GRID1: variants seen among roughly 807,000 people sequenced by gnomAD.
GRID1 encodes the protein glutamate ionotropic receptor delta type subunit 1, also known as glutamate receptor ionotropic, delta-1.
In GRID1, 28 loss-of-function variants were observed where a neutral mutation model predicts 98.0. The ratio of observed to expected loss-of-function variants is 0.29; its 90% CI spans 0.21 to 0.39. The LOEUF is 0.39. Among genes scored for constraint, GRID1 ranks in the 10% least tolerant of loss-of-function variants. GRID1 has a pLI of 1.00. For synonymous variants in GRID1, 553 were observed against 538.5 expected (o/e 1.03, Z -0.37); for missense variants, 1,111 against 1,340.5 (o/e 0.83, Z 2.67).
intron 13 of GRID1, among the ~76,000 whole-genome samples, chr10:85,623,522 C>A (rs751629007): frequency 1.3e-5 from 2 of 152,220 alleles, no homozygotes; most frequent in Non-Finnish European, 2.9e-5. Context: ...ACAGGTCTGG[C>A]TTCCCCACTA....
At chr10:85,726,125 CCTT>C (rs1233203339) in intron 10 of GRID1, among the ~76,000 whole-genome samples, 1 of 152,142 alleles carries the variant, frequency 6.6e-6, no homozygotes, top group Non-Finnish European at 1.5e-5. Context: ...GGGGACACTC[CCTT>C]CTGTGGGAGA....
chr10:86,317,428 T>C (rs1847914372), intron 2 of GRID1, among the ~76,000 whole-genome samples: 1 of 152,236 alleles, frequency 6.6e-6, no homozygotes, highest in Non-Finnish European at 1.5e-5. Context: ...AAAGCATTTG[T>C]AAAAATTATG....
intron 2 of GRID1, among the ~76,000 whole-genome samples, chr10:86,298,861 G>T (rs765028128): frequency 6.6e-6 from 1 of 152,176 alleles, no homozygotes; most frequent in African/African-American, 2.4e-5. Flanking sequence ...GGCTGACATT[G>T]GTAATGGTTT....
chr10:86,063,257 T>C (rs147011788), intron 4 of GRID1, among the ~76,000 whole-genome samples: 1 of 152,286 alleles, frequency 6.6e-6, no homozygotes, highest in East Asian at 1.9e-4. Context: ...GTACACACAA[T>C]GTACATAAAA....
At chr10:86,124,453 T>C (rs1420626000) in intron 4 of GRID1, among the ~76,000 whole-genome samples, 4 of 152,146 alleles carry the variant, frequency 2.6e-5, no homozygotes, top group Non-Finnish European at 5.9e-5. Context: ...GCAGATCTTG[T>C]TTTGGGGGCT....
At chr10:85,966,671 G>A (rs1314550477) in intron 4 of GRID1, among the ~76,000 whole-genome samples, 1 of 151,896 alleles carries the variant, frequency 6.6e-6, no homozygotes, top group Non-Finnish European at 1.5e-5. Flanking sequence ...AAAATTAGCT[G>A]GACATGGTGG....
At chr10:86,079,225 G>A (rs912941426) in intron 4 of GRID1, among the ~76,000 whole-genome samples, 2 of 152,212 alleles carry the variant, frequency 1.3e-5, no homozygotes, top group East Asian at 1.9e-4. Flanking sequence ...TCCTGGAGCG[G>A]CCTGTTGAAT....
At chr10:85,794,555 T>C (rs1239711100) in intron 8 of GRID1, among the ~76,000 whole-genome samples, 1 of 152,246 alleles carries the variant, frequency 6.6e-6, no homozygotes, top group African/African-American at 2.4e-5. Flanking sequence ...TTGCTGATTA[T>C]AAACGTTAGT....
chr10:86,028,214 C>A (rs1564653890), intron 4 of GRID1, among the ~76,000 whole-genome samples: 1 of 152,242 alleles, frequency 6.6e-6, no homozygotes, highest in Non-Finnish European at 1.5e-5. Context: ...GCTCCCACTG[C>A]ATATGTGTGC....
At chr10:86,087,414 T>C (rs1392001205) in intron 4 of GRID1, among the ~76,000 whole-genome samples, 4 of 150,788 alleles carry the variant, frequency 2.7e-5, no homozygotes, top group Non-Finnish European at 5.9e-5. Flanking sequence ...GTCCGGGGTG[T>C]CTGTGTATGT....
At chr10:85,827,875 G>A (rs554127404) in intron 8 of GRID1, among the ~76,000 whole-genome samples, 3 of 152,214 alleles carry the variant, frequency 2.0e-5, no homozygotes, top group South Asian at 2.1e-4. Flanking sequence ...TCGACAGATC[G>A]TCAAGGCAGA....
chr10:86,124,265 A>C (rs942607413), intron 4 of GRID1, among the ~76,000 whole-genome samples: 1 of 152,020 alleles, frequency 6.6e-6, no homozygotes, highest in African/African-American at 2.4e-5. Flanking sequence ...AAATCTGACA[A>C]AGGCCTGAAA....
chr10:85,773,724 A>G (rs951171331), intron 8 of GRID1, among the ~76,000 whole-genome samples: 11 of 152,352 alleles, frequency 7.2e-5, no homozygotes, highest in South Asian at 6.2e-4. Flanking sequence ...CTCATTTACA[A>G]TTGCTTCAAA....
intron 3 of GRID1, among the ~76,000 whole-genome samples, chr10:86,181,703 G>A (rs899001963): frequency 2.6e-5 from 4 of 152,172 alleles, no homozygotes; most frequent in Non-Finnish European, 5.9e-5. Flanking sequence ...ACTATTTCAA[G>A]GAGCTTATGG....
intron 5 of GRID1, among the ~76,000 whole-genome samples, chr10:85,903,125 T>G (rs1042857556): frequency 2.0e-5 from 3 of 152,146 alleles, no homozygotes. Flanking sequence ...ACCCTCCCTC[T>G]GAACTCCAGA....
intron 8 of GRID1, among the ~76,000 whole-genome samples, chr10:85,788,633 C>A (rs1189352382): frequency 6.6e-6 from 1 of 152,218 alleles, no homozygotes; most frequent in Non-Finnish European, 1.5e-5. Context: ...TGGGAAGTCT[C>A]GTCATCTTCT....
At chr10:85,968,266 T>C (rs373714750) in intron 4 of GRID1, among the ~76,000 whole-genome samples, 11 of 402 alleles carry the variant, frequency 0.027, no homozygotes, top group African/African-American at 0.1. Flanking sequence ...CTGGCTAACA[T>C]GGTGAAACCC....
intron 8 of GRID1, among the ~76,000 whole-genome samples, chr10:85,816,747 T>C (rs1842719947): frequency 6.6e-6 from 1 of 152,204 alleles, no homozygotes; most frequent in African/African-American, 2.4e-5. Context: ...TGCAGGTTTG[T>C]TATATAGGTA....
At chr10:86,159,353 C>A (rs1472287337) in intron 3 of GRID1, among the ~76,000 whole-genome samples, 1 of 152,180 alleles carries the variant, frequency 6.6e-6, no homozygotes, top group Admixed American at 6.5e-5. Context: ...TGAAAAACTT[C>A]TATTGCCTGG....
Sources: allele counts gnomAD v4.1 joint callset (sites outside exome capture counted in the v4.1 genomes callset), GRCh38; gene constraint gnomAD v4.1.1; transcripts MANE v1.5; gene names NCBI Gene and HGNC (gene_info 2026-07-23, HGNC 2026-07-21).